The following TMEM108 variants were observed in gnomAD, a reference collection of about 807,000 sequenced individuals.
TMEM108 encodes the protein transmembrane protein 108.
TMEM108 carries 12 observed loss-of-function variants against 35.1 expected under a neutral mutation model. The ratio of observed to expected loss-of-function variants is 0.34; its 90% CI spans 0.22 to 0.55. TMEM108 has a LOEUF of 0.55. Among genes scored for constraint, TMEM108 ranks in the 20% least tolerant of loss-of-function variants. The pLI is 0.89. For synonymous variants in TMEM108, 287 were observed against 308.6 expected, an observed-to-expected ratio of 0.93 and a Z score of 0.73; for missense variants, 680 against 753.3, an observed-to-expected ratio of 0.90 and a Z score of 1.14.
intron 2 of TMEM108, among the ~76,000 whole-genome samples, chr3:133,202,731 C>A (rs937038438): frequency 2.6e-5 from 4 of 152,084 alleles, no homozygotes; most frequent in African/African-American, 9.7e-5. Flanking sequence ...TAGCATGATG[C>A]CTCCAGCTTT....
At chr3:133,187,726 G>A (rs1945440131) in intron 2 of TMEM108, among the ~76,000 whole-genome samples, 1 of 151,904 alleles carries the variant, frequency 6.6e-6, no homozygotes, top group Non-Finnish European at 1.5e-5. Flanking sequence ...CTCCAGCCTG[G>A]GCATCACATC....
At position 133,253,036 on chromosome 3, in the gene TMEM108, A is replaced by G. The variant is rs1319281475; in HGVS notation, c.40+23685A>G. ...AAGTAATCAAGAAACTATTTGAAGTATACAAGAGGATGTGTGTAGGTTACA... is the reference window on the plus strand; with the variant it reads ...AAGTAATCAAGAAACTATTTGAAGTGTACAAGAGGATGTGTGTAGGTTACA... On this transcript the variant is annotated intron_variant, in intron 3 of 5. Coordinates refer to ENST00000321871, the MANE Select transcript of TMEM108 (RefSeq NM_023943.4). 2.6e-5 allele frequency among the ~76,000 whole-genome samples: 4 copies of G among 152,202 alleles called. No homozygotes were observed. In the East Asian group the frequency reaches 7.7e-4, roughly 29 times the overall value.
chr3:133,324,121 G>C (rs980913941), intron 3 of TMEM108, among the ~76,000 whole-genome samples: 7 of 152,216 alleles, frequency 4.6e-5, no homozygotes, highest in African/African-American at 1.7e-4. Flanking sequence ...CTTAGGCAAA[G>C]AGTTCATGAC....
chr3:133,092,312 G>A (rs1412216160), intron 2 of TMEM108, among the ~76,000 whole-genome samples: 3 of 152,200 alleles, frequency 2.0e-5, no homozygotes, highest in African/African-American at 7.2e-5. Flanking sequence ...CCAGAGTGAT[G>A]TGAAACATCT....
intron 2 of TMEM108, among the ~76,000 whole-genome samples, chr3:133,051,225 G>C (rs1261150469): frequency 6.6e-6 from 1 of 151,936 alleles, no homozygotes; most frequent in Non-Finnish European, 1.5e-5. Context: ...TGTAATGATA[G>C]CTCAGTGTTG....
chr3:133,192,333 T>C (rs77249434), intron 2 of TMEM108, among the ~76,000 whole-genome samples: 2,612 of 152,292 alleles, frequency 0.017, 98 homozygotes, highest in African/African-American at 0.059. Context: ...AGTACTTTTC[T>C]GAGGAGTTGT....
rs112201651 is a variant in TMEM108, at chr3:133,289,030, G to C, written c.40+59679G>C. Among the ~76,000 whole-genome samples, 481 of 152,100 alleles carry C rather than the reference G, an allele frequency of 3.2e-3. 2 individuals are homozygous for C. The highest frequency in any genetic ancestry group is 0.011 in the African/African-American group (458 of 41,504). On this transcript the variant is annotated intron_variant, in intron 3 of 5. Transcript: ENST00000321871. ...GGATTACAGCCATGAGGCACCATGTGAGTCCCCATATAGTAATAGTAATTT... is the reference window on the plus strand; with the variant it reads ...GGATTACAGCCATGAGGCACCATGTCAGTCCCCATATAGTAATAGTAATTT...
chr3:133,265,596 G>T (rs1946686079), intron 3 of TMEM108, among the ~76,000 whole-genome samples: 1 of 152,158 alleles, frequency 6.6e-6, no homozygotes, highest in South Asian at 2.1e-4. Flanking sequence ...AAGCAGAGCT[G>T]CAGTGAGAGA....
At chr3:133,051,052 A>G (rs1943399141) in intron 2 of TMEM108, among the ~76,000 whole-genome samples, 1 of 151,386 alleles carries the variant, frequency 6.6e-6, no homozygotes, top group Admixed American at 6.6e-5. Context: ...GCTGCCTCAT[A>G]TGGTGAGAGT....
chr3:133,209,208 AT>A (rs10685541), intron 2 of TMEM108, among the ~76,000 whole-genome samples: 2,785 of 144,450 alleles, frequency 0.019, 70 homozygotes, highest in African/African-American at 0.061. Context: ...CACCTGGCTA[AT>A]TTTTTTTTTT....
At chr3:133,075,914 A>G (rs534974652) in intron 2 of TMEM108, among the ~76,000 whole-genome samples, 7 of 152,120 alleles carry the variant, frequency 4.6e-5, no homozygotes, top group Non-Finnish European at 8.8e-5. Flanking sequence ...ATGTTCCTTT[A>G]AAACACAGCA....
chr3:133,057,474 T>TATATATAC, intron 2 of TMEM108, among the ~76,000 whole-genome samples: 2 of 48,718 alleles, frequency 4.1e-5, no homozygotes, highest in Non-Finnish European at 1.1e-4. Context: ...TATATATATA[T>TATATATAC]ATATATATAT....
chr3:133,336,979 G>A (rs897037666), intron 3 of TMEM108, among the ~76,000 whole-genome samples: 1 of 152,132 alleles, frequency 6.6e-6, no homozygotes, highest in Admixed American at 6.5e-5. Flanking sequence ...GAAAGGGGAG[G>A]AAAGAGTGAG....
In TMEM108 at chr3:133,142,446, G is replaced by A. The variant is rs577389459; in HGVS notation, c.-46-86820G>A. On this transcript the variant is annotated intron_variant, in intron 2 of 5. Coordinates refer to ENST00000321871, the MANE Select transcript of TMEM108 (RefSeq NM_023943.4). ...GAGCAGCTCAGCTGGAGGAACAAGAGCAAGTATGTTTGTCAAGGTCCGTGA... is the reference window on the plus strand; with the variant it reads ...GAGCAGCTCAGCTGGAGGAACAAGAACAAGTATGTTTGTCAAGGTCCGTGA... Among the ~76,000 whole-genome samples, 9 of 152,262 alleles carry A rather than the reference G, an allele frequency of 5.9e-5. No homozygotes were observed. In the East Asian group the frequency reaches 1.7e-3, roughly 29 times the overall value.
chr3:133,215,290 A>G (rs577864912), intron 2 of TMEM108, among the ~76,000 whole-genome samples: 3 of 152,090 alleles, frequency 2.0e-5, no homozygotes, highest in African/African-American at 7.2e-5. Flanking sequence ...GCTTAGAAAC[A>G]CTAAACAGCA....
intron 2 of TMEM108, among the ~76,000 whole-genome samples, chr3:133,210,940 G>T (rs190705169): frequency 6.6e-6 from 1 of 152,110 alleles, no homozygotes; most frequent in African/African-American, 2.4e-5. Context: ...CCAGAAACAC[G>T]TATTAAAACC....
chr3:133,357,075 C>T (rs2072194724), intron 3 of TMEM108, among the ~76,000 whole-genome samples: 1 of 152,152 alleles, frequency 6.6e-6, no homozygotes, highest in African/African-American at 2.4e-5. Flanking sequence ...CTACAAGGAA[C>T]TTAAATCAGC....
At chr3:133,320,854 A>C (rs1438179064) in intron 3 of TMEM108, among the ~76,000 whole-genome samples, 1 of 152,190 alleles carries the variant, frequency 6.6e-6, no homozygotes, top group Non-Finnish European at 1.5e-5. Flanking sequence ...AAGGGATGGG[A>C]GTTCTATCAT....
chr3:133,045,306 T>G (rs1943322562), intron 1 of TMEM108, among the ~76,000 whole-genome samples: 1 of 152,152 alleles, frequency 6.6e-6, no homozygotes, highest in Admixed American at 6.5e-5. Context: ...AGAGGAACAG[T>G]ATTTTACAGT....
Sources: gnomAD v4.1 joint callset for allele counts (sites outside exome capture counted in the v4.1 genomes callset) on GRCh38, gnomAD v4.1.1 for gene constraint, MANE v1.5 for transcripts, NCBI Gene and HGNC (gene_info 2026-07-23, HGNC 2026-07-21) for gene names.